Variants in JAKMIP2 observed in about 807,000 individuals in gnomAD.
The protein encoded by JAKMIP2 is janus kinase and microtubule-interacting protein 2.
JAKMIP2 carries 25 observed loss-of-function variants against 115.0 expected under a neutral mutation model. That is an observed-to-expected ratio of 0.22 (90% CI 0.16 to 0.30). JAKMIP2 has a LOEUF of 0.30. Among genes scored for constraint, JAKMIP2 ranks in the 10% least tolerant of loss-of-function variants. JAKMIP2 has a pLI of 1.00. For synonymous variants in JAKMIP2, 334 were observed against 343.6 expected, an observed-to-expected ratio of 0.97 and a Z score of 0.31; for missense variants, 642 against 957.6, an observed-to-expected ratio of 0.67 and a Z score of 4.35.
intron 1 of JAKMIP2, among the ~76,000 whole-genome samples, chr5:147,768,214 G>C (rs1231931075): frequency 6.6e-6 from 1 of 152,014 alleles, no homozygotes; most frequent in Admixed American, 6.6e-5. Flanking sequence ...CTTATGTTCT[G>C]ATAAAGGCCT....
intron 1 of JAKMIP2, among the ~76,000 whole-genome samples, chr5:147,690,405 C>A (rs1311557310): frequency 1.3e-5 from 2 of 151,506 alleles, no homozygotes; most frequent in Non-Finnish European, 2.9e-5. Flanking sequence ...CTATAAATTA[C>A]TATGCAATAG....
intron 12 of JAKMIP2, among the ~76,000 whole-genome samples, chr5:147,635,054 G>A (rs867468708): frequency 2.0e-5 from 3 of 152,180 alleles, no homozygotes; most frequent in Non-Finnish European, 2.9e-5. Flanking sequence ...GCACATGCCT[G>A]TAATCCCAGC....
chr5:147,640,561 G>A, intron 9 of JAKMIP2, 143 bp downstream of exon 9: 2 of 750,320 alleles, frequency 2.7e-6, no homozygotes, highest in Non-Finnish European at 4.1e-6. Flanking sequence ...ATAATAAAGT[G>A]CAGCCTCAAA....
At chr5:147,697,030 C>T (rs905615002) in intron 1 of JAKMIP2, among the ~76,000 whole-genome samples, 10 of 152,042 alleles carry the variant, frequency 6.6e-5, no homozygotes, top group African/African-American at 2.4e-4. Flanking sequence ...AAAAGAAAAA[C>T]CCATTTTCTC....
In JAKMIP2 at chr5:147,702,665, AG is replaced by A. The variant is rs1405523644; in HGVS notation, c.-148-30712del. On this transcript the variant is annotated intron_variant, in intron 1 of 21. Coordinates refer to ENST00000616793, the MANE Select transcript of JAKMIP2 (RefSeq NM_001270941.2). ...GAAAGAAAGAAAGAAAGAAAGAAAG[AG>A]AGAGAAAGAAAGAGAAAGAAAGAAA... Among the ~76,000 whole-genome samples, 796 of 100,634 alleles carry A rather than the reference AG, an allele frequency of 7.9e-3. 20 individuals are homozygous for A. The highest frequency in any genetic ancestry group is 0.026 in the African/African-American group (514 of 19,680). The allele number at this position is 100,634 out of a possible 152,430, so 66.0% of individuals were successfully genotyped here. A position where few individuals can be genotyped will look rare whatever the true frequency, so the allele number is the denominator to read the frequency against.
intron 1 of JAKMIP2, among the ~76,000 whole-genome samples, chr5:147,766,781 A>G (rs992909480): frequency 3.2e-4 from 49 of 152,268 alleles, no homozygotes; most frequent in African/African-American, 1.2e-3. Context: ...CATATGGGTA[A>G]GCTGGCTTCC....
intron 1 of JAKMIP2, among the ~76,000 whole-genome samples, chr5:147,738,814 T>C (rs570798812): frequency 1.3e-5 from 2 of 152,290 alleles, no homozygotes; most frequent in East Asian, 1.9e-4. Context: ...CTACCTCCCA[T>C]GATTGTCACT....
At chr5:147,695,407 T>C (rs773190447) in intron 1 of JAKMIP2, among the ~76,000 whole-genome samples, 2 of 152,142 alleles carry the variant, frequency 1.3e-5, no homozygotes, top group Non-Finnish European at 2.9e-5. Context: ...GACACTGGAT[T>C]AATGGCTTCT....
At chr5:147,674,845 C>G (rs1759840769) in intron 1 of JAKMIP2, among the ~76,000 whole-genome samples, 1 of 152,132 alleles carries the variant, frequency 6.6e-6, no homozygotes, top group Non-Finnish European at 1.5e-5. Context: ...ACTGCACTGC[C>G]TTGTATTTGC....
At position 147,752,237 on chromosome 5, in the gene JAKMIP2, G is replaced by T. The variant is rs1754585093; in HGVS notation, c.-149+30219C>A. Among the ~76,000 whole-genome samples, 15 of 152,232 alleles carry T rather than the reference G, an allele frequency of 9.9e-5. 1 individual carries two copies. In the South Asian group the frequency reaches 3.1e-3, roughly 32 times the overall value. On this transcript the variant is annotated intron_variant, in intron 1 of 21. Coordinates refer to ENST00000616793, the MANE Select transcript of JAKMIP2 (RefSeq NM_001270941.2). ...CCTGTCAAGGGAATTACCTCGTTTT[G>T]TTTAAAAATCTGGATGAAGTATGGA...
At chr5:147,775,356 G>C (rs1755517747) in intron 1 of JAKMIP2, among the ~76,000 whole-genome samples, 1 of 152,182 alleles carries the variant, frequency 6.6e-6, no homozygotes, top group Admixed American at 6.5e-5. Flanking sequence ...ATTTGGTAGA[G>C]TAGCTTTCTA....
At position 147,591,322 on chromosome 5, in the gene JAKMIP2, C is replaced by G. The variant is rs1226498492; in HGVS notation, c.*385G>C. 3.9e-6 allele frequency: 1 copy of G among 255,994 alleles called. No individual in the cohort carries two copies. The highest frequency in any genetic ancestry group is 7.3e-6 in the Non-Finnish European group (1 of 136,384). The allele number at this position is 255,994 out of a possible 1,614,324, so 15.9% of individuals were successfully genotyped here. On this transcript the variant is annotated 3_prime_UTR_variant, in exon 22 of 22. Coordinates refer to ENST00000616793, the MANE Select transcript of JAKMIP2 (RefSeq NM_001270941.2). Reference sequence around the variant, plus strand: ...ACATTAAAATGACCCCCCTGCACAGCAGGGGTTGAATATTTCATTGTAACT... The same window carrying G: ...ACATTAAAATGACCCCCCTGCACAGGAGGGGTTGAATATTTCATTGTAACT...
intron 1 of JAKMIP2, among the ~76,000 whole-genome samples, chr5:147,775,716 G>A (rs1211928834): frequency 6.6e-6 from 1 of 152,156 alleles, no homozygotes; most frequent in Non-Finnish European, 1.5e-5. Context: ...GAGAATCACA[G>A]TTGAAAGAGC....
At chr5:147,637,140 G>A in intron 10 of JAKMIP2, 92 bp from the exon 11 acceptor site, 1 of 741,626 alleles carries the variant, frequency 1.3e-6, no homozygotes, top group Non-Finnish European at 2.4e-6. Context: ...AGAGAGAGAG[G>A]AAAAAAAGAA....
chr5:147,699,511 A>C (rs899148500), intron 1 of JAKMIP2, among the ~76,000 whole-genome samples: 1 of 152,196 alleles, frequency 6.6e-6, no homozygotes, highest in Non-Finnish European at 1.5e-5. Context: ...GCAGAGAGGC[A>C]AGTGAGGTGG....
chr5:147,667,259 G>A (rs1486149159), intron 2 of JAKMIP2, among the ~76,000 whole-genome samples: 3 of 151,986 alleles, frequency 2.0e-5, no homozygotes, highest in Admixed American at 6.6e-5. Context: ...AGGTTCTATG[G>A]GAAAAAAGAT....
At chr5:147,615,128 T>A (rs1365383280) in intron 19 of JAKMIP2, among the ~76,000 whole-genome samples, 1 of 152,228 alleles carries the variant, frequency 6.6e-6, no homozygotes, top group Non-Finnish European at 1.5e-5. Context: ...AGTAGTGATC[T>A]GTATGTCTTT....
intron 7 of JAKMIP2, 109 bp downstream of exon 7, chr5:147,643,949 T>C (rs761995517): frequency 8.9e-6 from 7 of 788,132 alleles, no homozygotes; most frequent in African/African-American, 8.6e-5. Context: ...ATTTAACATA[T>C]GAACTTGGGC....
chr5:147,724,382 AG>A (rs1459247316), intron 1 of JAKMIP2, among the ~76,000 whole-genome samples: 1 of 152,190 alleles, frequency 6.6e-6, no homozygotes, highest in East Asian at 1.9e-4. Flanking sequence ...GAATATGGCA[AG>A]GTGTTATATA....
Sources: gnomAD v4.1 joint callset for allele counts (sites outside exome capture counted in the v4.1 genomes callset) on GRCh38, gnomAD v4.1.1 for gene constraint, MANE v1.5 for transcripts, NCBI Gene and HGNC (gene_info 2026-07-23, HGNC 2026-07-21) for gene names.